Variants in LTBP1 observed in about 807,000 individuals in gnomAD.
The protein encoded by LTBP1 is latent-transforming growth factor beta-binding protein 1.
A neutral mutation model predicts 207.6 loss-of-function variants in LTBP1; 129 were observed. That is an observed-to-expected ratio of 0.62 (90% confidence interval 0.54 to 0.72). The LOEUF is 0.72. Ranked by LOEUF, LTBP1 falls within the 30% of genes least tolerant of loss-of-function variation. LTBP1 has a pLI of 0.00. For missense variants in LTBP1, 2,281 were observed against 2,217.2 expected (o/e 1.03, Z -0.58); for synonymous variants, 963 against 833.7 (o/e 1.16, Z -2.67).
intron 31 of LTBP1, among the ~76,000 whole-genome samples, chr2:33,368,506 A>G (rs72861433): frequency 0.031 from 4,726 of 152,312 alleles, 234 homozygotes; most frequent in African/African-American, 0.11. Context: ...ACCTCCATGT[A>G]TGCGTCTGCA....
At chr2:33,149,718 C>A (rs142018102) in intron 5 of LTBP1, among the ~76,000 whole-genome samples, 7 of 152,096 alleles carry the variant, frequency 4.6e-5, no homozygotes, top group African/African-American at 1.7e-4. Flanking sequence ...AATGGGAAAC[C>A]GTTTAGCACA....
chr2:33,275,996 G>A, intron 18 of LTBP1, 73 bp downstream of exon 18: 2 of 1,492,170 alleles, frequency 1.3e-6, no homozygotes, highest in Middle Eastern at 1.9e-4. Context: ...CCTGGTTCTT[G>A]TTTCCTTCCC....
intron 24 of LTBP1, among the ~76,000 whole-genome samples, chr2:33,331,026 G>T (rs79392809): frequency 0.011 from 1,674 of 151,666 alleles, 31 homozygotes; most frequent in African/African-American, 0.039. Flanking sequence ...TTATCCATTT[G>T]GGTAAAATTT....
chr2:33,142,113 G>A lies in LTBP1; in HGVS notation c.1201+7153G>A, dbSNP rs144266956. 1.4e-4 allele frequency among the ~76,000 whole-genome samples: 21 copies of A among 152,080 alleles called. No homozygotes were observed. In the East Asian group the frequency reaches 3.1e-3, roughly 22 times the overall value. ...GTCTCCCAGGCTGGAGTGCAGTGGC[G>A]GGATCTCGGCTCACTGCAAGCTCCG... On this transcript the variant is annotated intron_variant, in intron 5 of 33. Coordinates refer to ENST00000404816, the MANE Select transcript of LTBP1 (RefSeq NM_206943.4).
chr2:33,170,200 G>T (rs1435730792), intron 5 of LTBP1, among the ~76,000 whole-genome samples: 1 of 152,230 alleles, frequency 6.6e-6, no homozygotes, highest in Non-Finnish European at 1.5e-5. Context: ...GCAGGGCGAG[G>T]CATTGCCTCA....
intron 2 of LTBP1, among the ~76,000 whole-genome samples, chr2:33,003,404 A>G (rs925543709): frequency 1.3e-5 from 2 of 152,224 alleles, no homozygotes; most frequent in Non-Finnish European, 2.9e-5. Context: ...AGAGGGTTAA[A>G]TAACTTGCTA....
intron 3 of LTBP1, among the ~76,000 whole-genome samples, chr2:33,101,103 G>C (rs1437316070): frequency 6.6e-6 from 1 of 152,170 alleles, no homozygotes; most frequent in Non-Finnish European, 1.5e-5. Context: ...TTGAAGAGCT[G>C]CAAAACTGAT....
intron 9 of LTBP1, among the ~76,000 whole-genome samples, chr2:33,225,465 G>C (rs895950728): frequency 2.0e-5 from 3 of 152,164 alleles, no homozygotes; most frequent in African/African-American, 7.2e-5. Flanking sequence ...GGAAGCCAAG[G>C]AGGATCAAGT....
chr2:33,319,729 C>G (rs1347530911), intron 24 of LTBP1, among the ~76,000 whole-genome samples: 1 of 152,142 alleles, frequency 6.6e-6, no homozygotes, highest in Non-Finnish European at 1.5e-5. Flanking sequence ...GCACTCTATC[C>G]TGTTCACATG....
chr2:33,296,523 T>C (rs533045318), intron 20 of LTBP1, among the ~76,000 whole-genome samples: 1 of 152,274 alleles, frequency 6.6e-6, no homozygotes, highest in East Asian at 1.9e-4. Context: ...AGACATTGTG[T>C]CATCCCTAAA....
At chr2:32,954,514 C>T (rs1677724108) in intron 2 of LTBP1, among the ~76,000 whole-genome samples, 1 of 151,606 alleles carries the variant, frequency 6.6e-6, no homozygotes, top group Admixed American at 6.6e-5. Flanking sequence ...TTTATAAGGA[C>T]ATCAGTCATA....
chr2:33,224,137 T>C (rs2091297190), intron 9 of LTBP1, among the ~76,000 whole-genome samples: 1 of 152,154 alleles, frequency 6.6e-6, no homozygotes, highest in Non-Finnish European at 1.5e-5. Context: ...AATACTCTTA[T>C]CATATCCCTG....
At chr2:33,178,789 A>G (rs1011109320) in intron 5 of LTBP1, among the ~76,000 whole-genome samples, 1 of 152,220 alleles carries the variant, frequency 6.6e-6, no homozygotes, top group Non-Finnish European at 1.5e-5. Flanking sequence ...TGTTGATGAT[A>G]ATAGTCTTGG....
intron 25 of LTBP1, among the ~76,000 whole-genome samples, chr2:33,346,127 T>C (rs1437016634): frequency 6.6e-6 from 1 of 152,178 alleles, no homozygotes; most frequent in East Asian, 1.9e-4. Context: ...TCAACAGAAT[T>C]TGAAAAGGTG....
chr2:33,262,896 A>G, intron 14 of LTBP1, 75 bp downstream of exon 14: 2 of 1,031,582 alleles, frequency 1.9e-6, no homozygotes, highest in Non-Finnish European at 2.9e-6. Context: ...TTTGTCTTTG[A>G]CTTTGTGTAG....
At chr2:32,953,340 C>G (rs953114977) in intron 2 of LTBP1, among the ~76,000 whole-genome samples, 2 of 152,102 alleles carry the variant, frequency 1.3e-5, no homozygotes, top group African/African-American at 4.8e-5. Flanking sequence ...GGAGTCGAGC[C>G]CAGAGTGATT....
At chr2:33,200,031 G>A (rs1381937414) in intron 7 of LTBP1, among the ~76,000 whole-genome samples, 1 of 152,084 alleles carries the variant, frequency 6.6e-6, no homozygotes, top group East Asian at 1.9e-4. Context: ...AATCAATATC[G>A]TGAAAATGGC....
In LTBP1 at chr2:33,170,318, G is replaced by A. The variant is rs572715212; in HGVS notation, c.1202-16538G>A. ...TCCCACCCTAATACTGCGCTTTTCC[G>A]ACGGGCTTAAAAAACGGCGCACCAC... On this transcript the variant is annotated intron_variant, in intron 5 of 33. Transcript: ENST00000404816. Among the ~76,000 whole-genome samples the A allele has an allele frequency of 5.3e-3, 810 of 152,242 alleles. 4 individuals are homozygous for A. Among genetic ancestry groups the A allele is most frequent in the Middle Eastern group, 0.031 (9 of 294 alleles).
At chr2:33,165,758 T>C (rs950373917) in intron 5 of LTBP1, among the ~76,000 whole-genome samples, 8 of 152,236 alleles carry the variant, frequency 5.3e-5, no homozygotes, top group African/African-American at 1.9e-4. Flanking sequence ...ATGAATATAA[T>C]GGACTTAGAT....
Sources: gnomAD v4.1 joint callset for allele counts (sites outside exome capture counted in the v4.1 genomes callset) on GRCh38, gnomAD v4.1.1 for gene constraint, MANE v1.5 for transcripts, NCBI Gene and HGNC (gene_info 2026-07-23, HGNC 2026-07-21) for gene names.